RBPJL: variants seen among roughly 807,000 people sequenced by gnomAD.
The protein encoded by RBPJL is recombining binding protein suppressor of hairless-like protein.
In RBPJL, 50 loss-of-function variants were observed where a neutral mutation model predicts 57.6. The observed-to-expected ratio is 0.87, with a 90% CI of 0.69 to 1.10. The LOEUF is 1.10. Among genes scored for constraint, RBPJL ranks in the 50% least tolerant of loss-of-function variants. RBPJL has a pLI of 0.00. For missense variants in RBPJL, 684 were observed against 693.7 expected (o/e 0.99, Z 0.16); for synonymous variants, 303 against 294.4 (o/e 1.03, Z -0.30).
chr20:45,309,758 C>A, intron 3 of RBPJL, 66 bp downstream of exon 3: 1 of 1,592,900 alleles, frequency 6.3e-7, no homozygotes, highest in Non-Finnish European at 8.6e-7. Flanking sequence ...CCTCCATCCA[C>A]CCATTGGGCC....
chr20:45,309,634 C>G lies in RBPJL; in HGVS notation c.199C>G (p.Gln67Glu). ...VRRCLQQQCE[Q>E]TVRILHAKVA... ...CAGGTGCCTGCAGCAACAGTGTGAA[C>G]AGACTGTGCGGATCCTGCATGCCAA... Residue 67 changes from glutamine to glutamate, a missense_variant, in exon 3 of 12, where the codon CAG becomes GAG. Gln to Glu is a conservative substitution (Grantham distance 29). Coordinates refer to ENST00000343694, the MANE Select transcript of RBPJL (RefSeq NM_014276.4). The G allele has an allele frequency of 6.2e-7, 1 of 1,613,634 alleles. No homozygotes were observed. The highest frequency in any genetic ancestry group is 8.5e-7 in the Non-Finnish European group (1 of 1,179,772).
rs1251454297 is a variant in RBPJL at position 45,312,370 on chromosome 20, G to A, written c.594G>A (p.Lys198=). ...LIKVISKPSQ[K]KQSLKNTDLC... is the part of the protein sequence containing the mutation. ...AGGTCATCTCGAAGCCCTCGCAGAA[G>A]AAGCAGTCGCTGAAAAACACCGATC... Residue 198 remains lysine (K), a synonymous_variant, in exon 6 of 12, where the codon AAG becomes AAA. Coordinates refer to ENST00000343694, the MANE Select transcript of RBPJL (RefSeq NM_014276.4). 1.9e-6 allele frequency: 3 copies of A among 1,614,076 alleles called. No homozygotes were observed. The highest frequency in any genetic ancestry group is 2.5e-6 in the Non-Finnish European group (3 of 1,180,004).
Position 45,317,009 on chromosome 20 carries a change from A to G in RBPJL, c.*50A>G, listed in dbSNP as rs549794658. 30 of 1,561,108 alleles carry G rather than the reference A, an allele frequency of 1.9e-5. No homozygotes were observed. The South Asian group carries it at 3.1e-4, about 16-fold the overall frequency. On this transcript the variant is annotated 3_prime_UTR_variant, in exon 12 of 12. Transcript: ENST00000343694. ...CACCCTGGAGGGCTGCGCCCGCGCCAGGCGCGGGGACGTGTTTCTGGGTTC... is the reference window on the plus strand; with the variant it reads ...CACCCTGGAGGGCTGCGCCCGCGCCGGGCGCGGGGACGTGTTTCTGGGTTC...
chr20:45,316,467 C>A lies in RBPJL; in HGVS notation c.1177-10C>A, dbSNP rs1386149154. 5.2e-6 allele frequency: 8 copies of A among 1,549,332 alleles called. No individual in the cohort carries two copies. The highest frequency in any genetic ancestry group is 7.0e-6 in the Non-Finnish European group (8 of 1,146,496). ...GTTCTCTCACCTCACCTGGTCCCAC[C>A]CTCCCCCAGCTGAGCGGCGGGGGCG... is the stretch of plus-strand genomic sequence containing the variant. On this transcript the variant is annotated splice_polypyrimidine_tract_variant and intron_variant, in intron 10 of 11. Transcript: ENST00000343694.
chr20:45,309,924 C>T (rs1399914583), intron 3 of RBPJL, among the ~76,000 whole-genome samples: 1 of 152,196 alleles, frequency 6.6e-6, no homozygotes, highest in Non-Finnish European at 1.5e-5. Context: ...ACTCATTCTC[C>T]CATTGATTCA....
intron 3 of RBPJL, 63 bp from the exon 4 acceptor site, chr20:45,311,526 C>A: frequency 6.7e-7 from 1 of 1,500,100 alleles, no homozygotes; most frequent in Non-Finnish European, 9.3e-7. Context: ...ACTACCTTGC[C>A]GTGCTTACAG....
In RBPJL at chr20:45,309,558, T is replaced by G. The variant is rs781186506; in HGVS notation, c.132-9T>G. 6 of 1,602,204 alleles carry G rather than the reference T, an allele frequency of 3.7e-6. No homozygotes were observed. The highest frequency in any genetic ancestry group is 5.1e-6 in the Non-Finnish European group (6 of 1,173,924). On this transcript the variant is annotated splice_polypyrimidine_tract_variant and intron_variant, in intron 2 of 11. Coordinates refer to ENST00000343694, the MANE Select transcript of RBPJL (RefSeq NM_014276.4). ...CTGTGGCTGGTCGACCTGCCTGCCC[T>G]ACTCCCAGGTCATCCCCAGAGCACA... is the stretch of plus-strand genomic sequence containing the variant.
At position 45,308,203 on chromosome 20, in the gene RBPJL, A is replaced by G; in HGVS notation, c.83A>G (p.Gln28Arg). 6.2e-7 allele frequency: 1 copy of G among 1,614,102 alleles called. No homozygotes were observed. Among genetic ancestry groups the G allele is most frequent in the South Asian group, 1.1e-5 (1 of 91,088 alleles). ...HLSLQDRSEM[Q>R]LQSEADRRSL... The stretch of plus-strand genomic sequence containing the variant: ...AGCCTGCAGGACAGATCAGAGATGC[A>G]GCTGCAGAGCGAAGCCGACAGGCGG... The change falls in exon 2 of 12, where the codon CAG (glutamine) becomes CGG (arginine). Residue 28 changes from glutamine (Q) to arginine (R), a missense_variant. Gln to Arg is a conservative substitution (Grantham distance 43). Coordinates refer to ENST00000343694, the MANE Select transcript of RBPJL (RefSeq NM_014276.4).
In RBPJL at chr20:45,316,934, A is replaced by C. The variant is rs1365349850; in HGVS notation, c.1529A>C (p.Asn510Thr). 6.2e-7 allele frequency: 1 copy of C among 1,612,560 alleles called. No individual in the cohort carries two copies. The highest frequency in any genetic ancestry group is 1.7e-5 in the Admixed American group (1 of 59,948). Residue 510 changes from asparagine to threonine, a missense_variant, in exon 12 of 12, where the codon AAC (asparagine) becomes ACC (threonine). By Grantham distance (65) the Asn-to-Thr change is moderately conservative. Transcript: ENST00000343694. The stretch of plus-strand genomic sequence containing the variant: ...ATCCATCAGGAGTTCACGCGCACCA[A>C]CTTCCACCTCTTCATCCAGACTTAG... The part of the protein sequence containing the change: ...ESIHQEFTRT[N>T]FHLFIQT
intron 7 of RBPJL, among the ~76,000 whole-genome samples, 197 bp downstream of exon 7, chr20:45,313,802 A>T (rs1477527906): frequency 6.6e-6 from 1 of 152,150 alleles, no homozygotes. Context: ...CCCTTTCCCC[A>T]TATATCAACT....
intron 7 of RBPJL, among the ~76,000 whole-genome samples, 187 bp downstream of exon 7, chr20:45,313,792 C>T (rs1015170163): frequency 2.6e-5 from 4 of 152,240 alleles, no homozygotes; most frequent in Non-Finnish European, 5.9e-5. Flanking sequence ...CTTATCCATG[C>T]CCTTTCCCCA....
At chr20:45,306,973 A>G (rs979566809) in intron 1 of RBPJL, 29 bp downstream of exon 1, 1 of 1,243,588 alleles carries the variant, frequency 8.0e-7, no homozygotes, top group Non-Finnish European at 1.0e-6. Context: ...GAGGCCCCGG[A>G]GACGCCCCGT....
At chr20:45,311,699 A>G (rs1021463924) in intron 4 of RBPJL, 40 bp downstream of exon 4, 3 of 1,606,882 alleles carry the variant, frequency 1.9e-6, no homozygotes, top group African/African-American at 2.7e-5. Flanking sequence ...CCTGCTCTGT[A>G]GGGAGGACCA....
At chr20:45,313,999 C>G in intron 7 of RBPJL, 36 bp from the exon 8 acceptor site, 1 of 1,497,352 alleles carries the variant, frequency 6.7e-7, no homozygotes. Context: ...TTGGGGGCCG[C>G]TGAAAACCTT....
chr20:45,313,410 C>G (rs1001417372), intron 6 of RBPJL, 58 bp from the exon 7 acceptor site: 3 of 1,424,600 alleles, frequency 2.1e-6, no homozygotes, highest in African/African-American at 2.8e-5. Context: ...CTAACCCTAT[C>G]CCCTCACCCT....
At chr20:45,312,121 G>C in intron 5 of RBPJL, 100 bp from the exon 6 acceptor site, 1 of 1,494,228 alleles carries the variant, frequency 6.7e-7, no homozygotes, top group Non-Finnish European at 9.2e-7. Flanking sequence ...GGAGCTTCTG[G>C]TCACCTCCGA....
rs1987344944 is a variant in RBPJL, at chr20:45,314,263, G to C, written c.867+119G>C. ...GCATGGAGACACCTGTTCTCACCCA[G>C]TGTCGCGTAGGACCAGACAGAAGTC... On this transcript the variant is annotated intron_variant, in intron 8 of 11. Coordinates refer to ENST00000343694, the MANE Select transcript of RBPJL (RefSeq NM_014276.4). 3 of 1,227,276 alleles carry C rather than the reference G, an allele frequency of 2.4e-6. No individual in the cohort carries two copies. The Admixed American group carries it at 5.4e-5, about 22-fold the overall frequency. 76.0% of individuals were successfully genotyped at this position (1,227,276 alleles called of 1,614,324 possible).
chr20:45,313,839 C>T (rs573305693), intron 7 of RBPJL, among the ~76,000 whole-genome samples, 196 bp from the exon 8 acceptor site: 1 of 152,362 alleles, frequency 6.6e-6, no homozygotes, highest in African/African-American at 2.4e-5. Context: ...ACCCCTGCCC[C>T]CAGGGCAGAC....
At position 45,311,651 on chromosome 20, in the gene RBPJL, A is replaced by G. The variant is rs748792346; in HGVS notation, c.320A>G (p.Gln107Arg). Residue 107 changes from glutamine to arginine, a missense_variant, in exon 4 of 12, where the codon CAG (glutamine) becomes CGG (arginine). By Grantham distance (43) the Gln-to-Arg change is conservative (BLOSUM62 1). Transcript: ENST00000343694. ...CCTGGCTGGAGGGTGAAGCCAGGGC[A>G]GGATCAAGGTGAGGGCGGAATCAAG... is the stretch of plus-strand genomic sequence containing the variant. ...SGPGWRVKPG[Q>R]DQAHQAGETG... The G allele has an allele frequency of 6.2e-7, 1 of 1,613,964 alleles. No homozygotes were observed. The highest frequency in any genetic ancestry group is 8.5e-7 in the Non-Finnish European group (1 of 1,180,008).
Sources: gnomAD v4.1 joint callset for allele counts (sites outside exome capture counted in the v4.1 genomes callset) on GRCh38, gnomAD v4.1.1 for gene constraint, MANE v1.5 for transcripts, NCBI Gene and HGNC (gene_info 2026-07-23, HGNC 2026-07-21) for gene names.